The following CCT6B variants were observed in gnomAD, a reference collection of about 807,000 sequenced individuals.
The protein encoded by CCT6B is chaperonin containing TCP1 subunit 6B.
Under a neutral mutation model 61.5 loss-of-function variants are expected in CCT6B, and 49 were observed. That is an observed-to-expected ratio of 0.80 (90% confidence interval 0.63 to 1.01). The LOEUF (loss-of-function observed/expected upper bound fraction) is 1.01, where lower values mean the gene tolerates loss of function less well. Among genes scored for constraint, CCT6B ranks in the 50% least tolerant of loss-of-function variants. The pLI is 0.00. For missense variants in CCT6B, 666 were observed against 634.7 expected (o/e 1.05, Z -0.53); for synonymous variants, 228 against 214.5 (o/e 1.06, Z -0.55).
intron 5 of CCT6B, among the ~76,000 whole-genome samples, chr17:34,949,941 T>G (rs2090272434): frequency 6.6e-6 from 1 of 152,288 alleles, no homozygotes; most frequent in East Asian, 1.9e-4. Context: ...ACCTACCAAC[T>G]GCAGCATACA....
rs1329131946 is a variant in CCT6B at position 34,961,322 on chromosome 17, T to C, written c.72A>G (p.Ile24Met). The C allele has an allele frequency of 2.5e-6, 4 of 1,612,816 alleles. No individual in the cohort carries two copies. Among genetic ancestry groups the C allele is most frequent in the Non-Finnish European group, 2.5e-6 (3 of 1,179,936 alleles). Residue 24 changes from isoleucine to methionine, a missense_variant, in exon 1 of 14, where the codon ATA becomes ATG. By Grantham distance (10) the Ile-to-Met change is conservative. Coordinates refer to ENST00000314144, the MANE Select transcript of CCT6B (RefSeq NM_006584.4). Reference protein sequence around the residue: ...ARARAALAVNICAARGLQDVL... With the variant: ...ARARAALAVNMCAARGLQDVL... ...CATCCTGCAGCCCTCGGGCGGCGCATATATTGACAGCCAAAGCTGCCCGGG... is the reference window on the plus strand; with the variant it reads ...CATCCTGCAGCCCTCGGGCGGCGCACATATTGACAGCCAAAGCTGCCCGGG...
At chr17:34,942,022 C>T (rs562171316) in intron 7 of CCT6B, among the ~76,000 whole-genome samples, 1 of 149,958 alleles carries the variant, frequency 6.7e-6, no homozygotes, top group African/African-American at 2.5e-5. Context: ...GCTTGGATGA[C>T]AGAACAAGAC....
At chr17:34,947,870 T>C (rs1266466448) in intron 5 of CCT6B, among the ~76,000 whole-genome samples, 1 of 150,916 alleles carries the variant, frequency 6.6e-6, no homozygotes, top group African/African-American at 2.4e-5. Flanking sequence ...TAGTCCCAGC[T>C]ACTCGGAAGG....
intron 4 of CCT6B, among the ~76,000 whole-genome samples, chr17:34,953,746 G>A (rs552519512): frequency 6.6e-6 from 1 of 152,190 alleles, no homozygotes. Flanking sequence ...TTGAGGTCAG[G>A]AGTTCAAGAC....
chr17:34,954,333 C>T, intron 4 of CCT6B, 93 bp downstream of exon 4: 1 of 978,314 alleles, frequency 1.0e-6, no homozygotes, highest in Non-Finnish European at 1.5e-6. Context: ...GCCCAAAAAA[C>T]CACATGAAAT....
At position 34,942,824 on chromosome 17, in the gene CCT6B, A is replaced by G. The variant is rs2090181226; in HGVS notation, c.697T>C (p.Cys233Arg). The change falls in exon 6 of 14, where the codon TGC (cysteine) becomes CGC (arginine). Residue 233 changes from cysteine (C) to arginine (R), a missense_variant. Cys to Arg is a radical substitution (Grantham distance 180). Transcript: ENST00000314144. Reference sequence around the variant, plus strand: ...TTTTCATATTCCAGTGAAACGTTGCAAATAAGGATAAATGCATCTTCTACT... The same window carrying G: ...TTTTCATATTCCAGTGAAACGTTGCGAATAAGGATAAATGCATCTTCTACT... ...KRVEDAFILI[C>R]NVSLEYEKTE... The G allele has an allele frequency of 6.2e-7, 1 of 1,609,104 alleles. No individual in the cohort carries two copies. Among genetic ancestry groups the G allele is most frequent in the Non-Finnish European group, 8.5e-7 (1 of 1,177,488 alleles).
intron 7 of CCT6B, among the ~76,000 whole-genome samples, chr17:34,941,023 TA>T (rs2090158401): frequency 6.6e-6 from 1 of 152,180 alleles, no homozygotes; most frequent in South Asian, 2.1e-4. Flanking sequence ...GGTTCAAGTT[TA>T]TGAAGAAAAT....
chr17:34,928,877 G>A, intron 13 of CCT6B, 85 bp downstream of exon 13: 1 of 784,096 alleles, frequency 1.3e-6, no homozygotes, highest in Middle Eastern at 3.0e-4. Flanking sequence ...CACTGTACAG[G>A]GACAAAAATA....
chr17:34,936,200 C>A (rs1317754795), intron 10 of CCT6B, among the ~76,000 whole-genome samples: 2 of 152,140 alleles, frequency 1.3e-5, no homozygotes. Context: ...CCATGCACGT[C>A]AGCCTCCCAA....
Position 34,958,522 on chromosome 17 carries a change from C to T in CCT6B, c.336+38G>A, listed in dbSNP as rs770971567. ...TTTTACTAGTTAAAAAAATAATTTG[C>T]CATTCAAAATAACATATAAACTGTG... On this transcript the variant is annotated intron_variant, in intron 3 of 13. Coordinates refer to ENST00000314144, the MANE Select transcript of CCT6B (RefSeq NM_006584.4). 8.4e-6 allele frequency: 11 copies of T among 1,312,472 alleles called. No individual in the cohort carries two copies. The South Asian group carries it at 1.6e-4, about 19-fold the overall frequency. The allele number at this position is 1,312,472 out of a possible 1,614,324, so 81.3% of individuals were successfully genotyped here.
chr17:34,929,061 CA>C (rs574745446), intron 12 of CCT6B, 27 bp from the exon 13 acceptor site: 981 of 1,418,242 alleles, frequency 6.9e-4, no homozygotes, highest in Non-Finnish European at 9.1e-4. Flanking sequence ...ATTTTCATAC[CA>C]AAATCTTAGT....
intron 5 of CCT6B, chr17:34,943,449 A>G (rs941569750): frequency 7.9e-5 from 12 of 152,278 alleles, no homozygotes; most frequent in African/African-American, 2.9e-4. Flanking sequence ...TCAGCAAATA[A>G]TGACCCAACT....
intron 4 of CCT6B, among the ~76,000 whole-genome samples, 171 bp downstream of exon 4, chr17:34,954,255 T>C (rs1166973742): frequency 6.6e-6 from 1 of 152,206 alleles, no homozygotes; most frequent in Non-Finnish European, 1.5e-5. Context: ...TTACAAATAC[T>C]GTTCTGACCA....
At chr17:34,950,925 T>C (rs2090284282) in intron 5 of CCT6B, among the ~76,000 whole-genome samples, 1 of 141,678 alleles carries the variant, frequency 7.1e-6, no homozygotes, top group African/African-American at 2.6e-5. Flanking sequence ...TGAGACTCCA[T>C]CTCAAAAAAA....
rs9635769 is a variant in CCT6B at position 34,961,344 on chromosome 17, C to A, written c.50G>T (p.Arg17Leu). ...GCATATATTGACAGCCAAAGCTGCCCGGGCCCGCGCCACCTCAGCCTTGGA... is the reference window on the plus strand; with the variant it reads ...GCATATATTGACAGCCAAAGCTGCCAGGGCCCGCGCCACCTCAGCCTTGGA... ...VNSKAEVARA[R>L]AALAVNICAA... Residue 17 changes from arginine (R) to leucine (L), a missense_variant, in exon 1 of 14, where the codon CGG (arginine) becomes CTG (leucine). By Grantham distance (102) the Arg-to-Leu change is moderately radical. Coordinates refer to ENST00000314144, the MANE Select transcript of CCT6B (RefSeq NM_006584.4). The A allele has an allele frequency of 1.2e-6, 2 of 1,611,948 alleles. No homozygotes were observed. The highest frequency in any genetic ancestry group is 1.1e-5 in the South Asian group (1 of 91,036).
intron 5 of CCT6B, among the ~76,000 whole-genome samples, chr17:34,945,964 C>G (rs2090219346): frequency 6.6e-6 from 1 of 152,172 alleles, no homozygotes; most frequent in African/African-American, 2.4e-5. Context: ...GTTTCAATGT[C>G]TTCACAATGA....
At chr17:34,961,075 A>G (rs1192922168) in intron 1 of CCT6B, among the ~76,000 whole-genome samples, 182 bp downstream of exon 1, 1 of 152,146 alleles carries the variant, frequency 6.6e-6, no homozygotes, top group Non-Finnish European at 1.5e-5. Flanking sequence ...GGGGCCCTCT[A>G]CTAGGGGAGG....
intron 5 of CCT6B, 197 bp from the exon 6 acceptor site, chr17:34,943,103 A>T: frequency 2.2e-6 from 1 of 463,974 alleles, no homozygotes; most frequent in South Asian, 3.3e-5. Flanking sequence ...GCTGGCCACG[A>T]ACTCCTGGGC....
intron 5 of CCT6B, among the ~76,000 whole-genome samples, chr17:34,948,306 A>T (rs974879945): frequency 1.3e-5 from 2 of 152,244 alleles, no homozygotes; most frequent in African/African-American, 4.8e-5. Context: ...GCTCCTGTTA[A>T]TAAAGAGTAT....
Sources: gnomAD v4.1 joint callset for allele counts (sites outside exome capture counted in the v4.1 genomes callset) on GRCh38, gnomAD v4.1.1 for gene constraint, MANE v1.5 for transcripts, NCBI Gene and HGNC (gene_info 2026-07-23, HGNC 2026-07-21) for gene names.